The following ZNF492 variants were observed in gnomAD, a reference collection of about 807,000 sequenced individuals.
ZNF492 encodes zinc finger protein 115 (Y20).
Under a neutral mutation model 6.4 loss-of-function variants are expected in ZNF492, and 3 were observed. The ratio of observed to expected loss-of-function variants is 0.47; its 90% CI spans 0.21 to 1.22. The LOEUF is 1.22. Among genes scored for constraint, ZNF492 ranks in the 50% most tolerant of loss-of-function variants. The pLI, the probability that ZNF492 is intolerant of heterozygous loss-of-function variation, is 0.22. For synonymous variants in ZNF492, 112 were observed against 205.3 expected, an observed-to-expected ratio of 0.55 and a Z score of 3.89; for missense variants, 356 against 612.5, an observed-to-expected ratio of 0.58 and a Z score of 4.42.
intron 3 of ZNF492, among the ~76,000 whole-genome samples, chr19:22,655,512 A>G (rs1170606566): frequency 6.6e-6 from 1 of 151,984 alleles, no homozygotes; most frequent in Non-Finnish European, 1.5e-5. Flanking sequence ...GTATGGAACC[A>G]TAACTTACAC....
At chr19:22,638,251 A>G (rs1971787792) in intron 1 of ZNF492, among the ~76,000 whole-genome samples, 1 of 152,042 alleles carries the variant, frequency 6.6e-6, no homozygotes, top group Admixed American at 6.6e-5. Flanking sequence ...TTTTGTTGCA[A>G]TTGCTTTTGG....
At chr19:22,646,119 C>T (rs1971875070) in intron 1 of ZNF492, among the ~76,000 whole-genome samples, 1 of 152,044 alleles carries the variant, frequency 6.6e-6, no homozygotes, top group Non-Finnish European at 1.5e-5. Context: ...GGCAGTATGG[C>T]CATTTTCATG....
chr19:22,647,129 G>C lies in ZNF492; in HGVS notation c.-93-6178G>C, dbSNP rs565639437. On this transcript the variant is annotated intron_variant, in intron 1 of 3. Coordinates refer to ENST00000456783, the MANE Select transcript of ZNF492 (RefSeq NM_020855.3). ...TGGGCTCAAACTCCTGACCTCAGGT[G>C]ATCTGCCTGCCTCGGCCTCCCAAAG... 2.1e-4 allele frequency among the ~76,000 whole-genome samples: 32 copies of C among 152,230 alleles called. 1 individual carries two copies. Among genetic ancestry groups the C allele is most frequent in the African/African-American group, 6.3e-4 (26 of 41,540 alleles).
chr19:22,661,108 A>G (rs1163586388), intron 3 of ZNF492, among the ~76,000 whole-genome samples: 1 of 152,056 alleles, frequency 6.6e-6, no homozygotes, highest in Non-Finnish European at 1.5e-5. Context: ...CTGTTTAAAT[A>G]TCTGTGTGTG....
At chr19:22,661,418 T>G (rs79847528) in intron 3 of ZNF492, among the ~76,000 whole-genome samples, 11,884 of 152,144 alleles carry the variant, frequency 0.078, 1,523 homozygotes, top group African/African-American at 0.27. Context: ...AATCTTGGAA[T>G]GAGATTTGGA....
In ZNF492 at chr19:22,664,040, A is replaced by C. The variant is rs1238091505; in HGVS notation, c.371A>C (p.Lys124Thr). 1.2e-6 allele frequency: 2 copies of C among 1,604,742 alleles called. No homozygotes were observed. Among genetic ancestry groups the C allele is most frequent in the African/African-American group, 2.7e-5 (2 of 74,786 alleles). The change falls in exon 4 of 4, where the codon AAA becomes ACA. Residue 124 changes from lysine to threonine, a missense_variant. Transcript: ENST00000456783. ...QCDKYVKVFH[K>T]FSNSNRHTIR... ...GACAAATATGTGAAAGTCTTTCATA[A>C]ATTTTCAAATTCAAACAGACATACG...
intron 1 of ZNF492, 141 bp from the exon 2 acceptor site, chr19:22,653,166 C>T: frequency 1.0e-6 from 1 of 988,534 alleles, no homozygotes; most frequent in Admixed American, 3.0e-5. Context: ...TACTTCTGTG[C>T]TGAAAGTTAT....
rs1251502899 is a variant in ZNF492, at chr19:22,634,360, T to A, written c.-208T>A. 9.0e-7 allele frequency: 1 copy of A among 1,115,072 alleles called. No homozygotes were observed. The highest frequency in any genetic ancestry group is 2.9e-5 in the East Asian group (1 of 34,436). 69.1% of individuals were successfully genotyped at this position (1,115,072 alleles called of 1,614,324 possible). A position where few individuals can be genotyped will look rare whatever the true frequency, so the allele number is the denominator to read the frequency against. The stretch of plus-strand genomic sequence containing the variant: ...TCGCTGCAGTCGGAGTATGGTCTAG[T>A]GTTCGCTGTTCTGCGTCCTCTGGTC... On this transcript the variant is annotated 5_prime_UTR_variant, in exon 1 of 4. Transcript: ENST00000456783.
rs887412939 is a variant in ZNF492 at position 22,647,343 on chromosome 19, G to A, written c.-93-5964G>A. Among the ~76,000 whole-genome samples, 11 of 148,034 alleles carry A rather than the reference G, an allele frequency of 7.4e-5. No homozygotes were observed. In the South Asian group the frequency reaches 1.1e-3, roughly 15 times the overall value. On this transcript the variant is annotated intron_variant, in intron 1 of 3. Coordinates refer to ENST00000456783, the MANE Select transcript of ZNF492 (RefSeq NM_020855.3). ...GCAGTCCTGGCTCACTGCAACCTCC[G>A]CCTCCTGGGTTCAAGTGATTGTCCT...
At chr19:22,655,066 G>A (rs1279062417) in intron 3 of ZNF492, among the ~76,000 whole-genome samples, 1 of 151,566 alleles carries the variant, frequency 6.6e-6, no homozygotes, top group Non-Finnish European at 1.5e-5. Context: ...GCCGAGGCAG[G>A]CGGATCACCT....
intron 1 of ZNF492, among the ~76,000 whole-genome samples, chr19:22,636,538 GTGTGTGTT>G (rs1176433022): frequency 2.0e-5 from 3 of 151,316 alleles, no homozygotes; most frequent in Admixed American, 1.3e-4. Context: ...GTGTGTGTGT[GTGTGTGTT>G]TGTGTGTGTG....
At chr19:22,644,943 C>G (rs765231524) in intron 1 of ZNF492, among the ~76,000 whole-genome samples, 19 of 152,134 alleles carry the variant, frequency 1.2e-4, no homozygotes, top group Admixed American at 2.0e-4. Context: ...GATGGTATCT[C>G]ATTGTGGTTT....
chr19:22,654,234 T>C (rs1190329091), intron 3 of ZNF492, among the ~76,000 whole-genome samples: 1 of 152,188 alleles, frequency 6.6e-6, no homozygotes, highest in African/African-American at 2.4e-5. Flanking sequence ...GGTGATCTTC[T>C]TCAAGTTTAC....
intron 3 of ZNF492, among the ~76,000 whole-genome samples, chr19:22,662,154 A>G (rs1434015303): frequency 6.6e-5 from 10 of 151,946 alleles, no homozygotes; most frequent in South Asian, 2.1e-4. Flanking sequence ...TCATTGCTCA[A>G]TTCCCACCTA....
chr19:22,640,159 T>C (rs1239248610), intron 1 of ZNF492, among the ~76,000 whole-genome samples: 1 of 147,570 alleles, frequency 6.8e-6, no homozygotes, highest in East Asian at 2.0e-4. Context: ...TATTAATTCA[T>C]GTGTGATTTT....
At chr19:22,634,795 C>A (rs1025254267) in intron 1 of ZNF492, among the ~76,000 whole-genome samples, 2 of 152,088 alleles carry the variant, frequency 1.3e-5, no homozygotes, top group African/African-American at 4.8e-5. Flanking sequence ...AGGGGAGAAT[C>A]CTGACTCGGG....
At chr19:22,657,786 G>A (rs917512871) in intron 3 of ZNF492, among the ~76,000 whole-genome samples, 2 of 152,102 alleles carry the variant, frequency 1.3e-5, no homozygotes, top group Admixed American at 6.5e-5. Flanking sequence ...TGTGGTTTAA[G>A]AGATAGATCA....
chr19:22,651,431 C>G (rs1379529345), intron 1 of ZNF492, among the ~76,000 whole-genome samples: 1 of 152,064 alleles, frequency 6.6e-6, no homozygotes, highest in Non-Finnish European at 1.5e-5. Context: ...CACTCTGCCT[C>G]CTGGAATGCC....
Position 22,666,381 on chromosome 19 carries a change from G to A in ZNF492, c.*1116G>A, listed in dbSNP as rs1972128744. 1 of 152,058 alleles carries A rather than the reference G, an allele frequency of 6.6e-6. No homozygotes were observed. The highest frequency in any genetic ancestry group is 2.1e-4 in the South Asian group (1 of 4,826). The allele number at this position is 152,058 out of a possible 1,614,324, so 9.4% of individuals were successfully genotyped here. A position where few individuals can be genotyped will look rare whatever the true frequency, so the allele number is the denominator to read the frequency against. On this transcript the variant is annotated 3_prime_UTR_variant, in exon 4 of 4. Transcript: ENST00000456783. ...AAATTTTGTATTTTTAATAGAGCCA[G>A]GGTTTTGCCATGTTGGCCAGGCTGG...
Sources: gnomAD v4.1 joint callset for allele counts (sites outside exome capture counted in the v4.1 genomes callset) on GRCh38, gnomAD v4.1.1 for gene constraint, MANE v1.5 for transcripts, NCBI Gene and HGNC (gene_info 2026-07-23, HGNC 2026-07-21) for gene names.